The following STAM2 variants were observed in gnomAD, a reference collection of about 807,000 sequenced individuals.
The protein encoded by STAM2 is signal transducing adaptor molecule 2.
A neutral mutation model predicts 65.6 loss-of-function variants in STAM2; 51 were observed. The observed-to-expected ratio is 0.78, with a 90% CI of 0.62 to 0.98. The LOEUF (loss-of-function observed/expected upper bound fraction) is 0.98, where lower values mean the gene tolerates loss of function less well. STAM2 is among the 50% of genes least tolerant of loss of function. The pLI is 0.00. For synonymous variants in STAM2, 198 were observed against 208.4 expected, an observed-to-expected ratio of 0.95 and a Z score of 0.43; for missense variants, 584 against 617.8, an observed-to-expected ratio of 0.95 and a Z score of 0.58.
At chr2:152,128,396 G>C (rs955365563) in intron 11 of STAM2, among the ~76,000 whole-genome samples, 6 of 151,590 alleles carry the variant, frequency 4.0e-5, no homozygotes, top group South Asian at 4.2e-4. Context: ...CTGGGCAACA[G>C]AGCGAGACTC....
intron 1 of STAM2, among the ~76,000 whole-genome samples, chr2:152,172,795 C>T (rs1180671454): frequency 5.3e-5 from 8 of 149,940 alleles, no homozygotes; most frequent in African/African-American, 1.5e-4. Context: ...CACTTGAACC[C>T]GGGAGGCGGG....
chr2:152,128,698 G>A (rs777036408), intron 11 of STAM2, among the ~76,000 whole-genome samples: 5 of 152,118 alleles, frequency 3.3e-5, no homozygotes, highest in Admixed American at 6.5e-5. Flanking sequence ...AGAATAGTCT[G>A]GAACATAGTT....
At chr2:152,121,618 C>T (rs964780971) in intron 13 of STAM2, among the ~76,000 whole-genome samples, 2 of 152,180 alleles carry the variant, frequency 1.3e-5, no homozygotes, top group Non-Finnish European at 2.9e-5. Flanking sequence ...GTATAGGGCC[C>T]AAAATCAACC....
intron 5 of STAM2, among the ~76,000 whole-genome samples, chr2:152,145,661 T>A (rs1689325514): frequency 6.6e-6 from 1 of 152,184 alleles, no homozygotes; most frequent in African/African-American, 2.4e-5. Flanking sequence ...GTCATGATCA[T>A]CACTGAAGAG....
chr2:152,141,831 C>T (rs183584825), intron 7 of STAM2, among the ~76,000 whole-genome samples: 73 of 151,990 alleles, frequency 4.8e-4, no homozygotes, highest in African/African-American at 1.6e-3. Context: ...CCTCGTGATC[C>T]GCCCGCCTCA....
intron 1 of STAM2, among the ~76,000 whole-genome samples, chr2:152,157,994 T>C (rs949271906): frequency 1.3e-5 from 2 of 152,082 alleles, no homozygotes; most frequent in Non-Finnish European, 2.9e-5. Context: ...AGCAAACAAG[T>C]GTCCCAAAAT....
In STAM2 at chr2:152,126,233, G is replaced by A. The variant is rs780398300; in HGVS notation, c.1172C>T (p.Pro391Leu). The part of the protein sequence containing the change: ...AHYPPASSGV[P>L]MQTYPVQSHG... ...CTCAAAAAACATGCTCACCTGCATT[G>A]GAACCCCAGATGATGCAGGTGGGTA... Residue 391 changes from proline (P) to leucine (L), a missense_variant, in exon 12 of 14, where the codon CCA becomes CTA. Coordinates refer to ENST00000263904, the MANE Select transcript of STAM2 (RefSeq NM_005843.6). The A allele has an allele frequency of 1.3e-5, 20 of 1,586,068 alleles. 2 individuals are homozygous for A. The South Asian group carries it at 2.3e-4, about 19-fold the overall frequency.
chr2:152,136,892 CTTTTTTTTTT>C (rs746931542), intron 7 of STAM2, among the ~76,000 whole-genome samples: 1 of 130,114 alleles, frequency 7.7e-6, no homozygotes, highest in African/African-American at 2.9e-5. Context: ...AAACATTTTT[CTTTTTTTTTT>C]TTTTTTTTTT....
At chr2:152,124,659 A>G (rs1347650534) in intron 12 of STAM2, 2 of 152,246 alleles carry the variant, frequency 1.3e-5, no homozygotes, top group African/African-American at 4.8e-5. Flanking sequence ...ATCATACCAT[A>G]ATGATCATCA....
At chr2:152,161,543 G>A (rs950687727) in intron 1 of STAM2, among the ~76,000 whole-genome samples, 7 of 144,176 alleles carry the variant, frequency 4.9e-5, no homozygotes, top group Non-Finnish European at 1.1e-4. Flanking sequence ...TAGGTTTCTA[G>A]ACTACACAAT....
chr2:152,175,254 G>A (rs1021334568), intron 1 of STAM2, among the ~76,000 whole-genome samples: 2 of 152,308 alleles, frequency 1.3e-5, no homozygotes, highest in East Asian at 1.9e-4. Context: ...AAAGACGGAG[G>A]TAACCAGCTG....
rs114704532 is a variant in STAM2 at position 152,123,641 on chromosome 2, T to C, written c.1349+125A>G. 1,736 of 973,164 alleles carry C rather than the reference T, an allele frequency of 1.8e-3. 12 individuals carry two copies. Among genetic ancestry groups the C allele is most frequent in the Non-Finnish European group, 1.3e-3 (846 of 659,888 alleles). The allele number at this position is 973,164 out of a possible 1,614,324, so 60.3% of individuals were successfully genotyped here. ...GGGTAGCAAAGCTAAGGTAACACCA[T>C]TCCACTTCACAGGATTATGAATAAA... On this transcript the variant is annotated intron_variant, in intron 13 of 13. Transcript: ENST00000263904.
intron 7 of STAM2, among the ~76,000 whole-genome samples, chr2:152,139,230 AAAG>A (rs1165239068): frequency 2.0e-5 from 3 of 152,366 alleles, no homozygotes; most frequent in South Asian, 2.1e-4. Context: ...TATATTAAAA[AAAG>A]AATAAATCAC....
intron 7 of STAM2, among the ~76,000 whole-genome samples, chr2:152,141,465 C>T (rs1441903123): frequency 3.4e-5 from 5 of 147,292 alleles, no homozygotes; most frequent in South Asian, 2.2e-4. Flanking sequence ...ACACAGGGGG[C>T]GGGGGTTGCA....
intron 1 of STAM2, among the ~76,000 whole-genome samples, chr2:152,174,813 C>G (rs939913012): frequency 6.6e-6 from 1 of 152,158 alleles, no homozygotes; most frequent in Non-Finnish European, 1.5e-5. Flanking sequence ...CCCAGACTTT[C>G]GAGAATACAT....
In STAM2 at chr2:152,120,787, A is replaced by G; in HGVS notation, c.1365T>C (p.Thr455=). The G allele has an allele frequency of 1.2e-6, 2 of 1,614,154 alleles. No individual in the cohort carries two copies. The highest frequency in any genetic ancestry group is 1.7e-6 in the Non-Finnish European group (2 of 1,179,996). Residue 455 remains threonine (T), a synonymous_variant, in exon 14 of 14, where the codon ACT becomes ACC. Coordinates refer to ENST00000263904, the MANE Select transcript of STAM2 (RefSeq NM_005843.6). ...GGTTCATATAAGTAGGATTGGAAACAGTGTCTTGTCCAGTGCTACAAACAA... is the reference window on the plus strand; with the variant it reads ...GGTTCATATAAGTAGGATTGGAAACGGTGTCTTGTCCAGTGCTACAAACAA... ...QTSYLSTGQD[T]VSNPTYMNQN...
chr2:152,173,406 A>AT (rs1389484826), intron 1 of STAM2, among the ~76,000 whole-genome samples: 25 of 145,232 alleles, frequency 1.7e-4, no homozygotes, highest in African/African-American at 4.6e-4. Context: ...ATATATATAT[A>AT]TTTTTTTTCG....
intron 13 of STAM2, among the ~76,000 whole-genome samples, chr2:152,122,750 G>A (rs1688880366): frequency 1.3e-5 from 2 of 152,056 alleles, no homozygotes; most frequent in Non-Finnish European, 2.9e-5. Context: ...AACTCTTAGA[G>A]TAAAAGTGTT....
Position 152,147,323 on chromosome 2 carries a change from G to A in STAM2, c.301-15C>T, listed in dbSNP as rs373507667. The stretch of plus-strand genomic sequence containing the variant: ...TTAGGATGTGCCTTTTAAGGAAAAG[G>A]AAAGGAAAATAAACAAAAATCTACG... On this transcript the variant is annotated splice_polypyrimidine_tract_variant and intron_variant, in intron 4 of 13. Transcript: ENST00000263904. 1.8e-5 allele frequency: 27 copies of A among 1,517,006 alleles called. No homozygotes were observed. In the African/African-American group the frequency reaches 3.8e-4, roughly 22 times the overall value. The allele number at this position is 1,517,006 out of a possible 1,614,324, so 94.0% of individuals were successfully genotyped here. A position where few individuals can be genotyped will look rare whatever the true frequency, so the allele number is the denominator to read the frequency against.
Sources: gnomAD v4.1 joint callset for allele counts (sites outside exome capture counted in the v4.1 genomes callset) on GRCh38, gnomAD v4.1.1 for gene constraint, MANE v1.5 for transcripts, NCBI Gene and HGNC (gene_info 2026-07-23, HGNC 2026-07-21) for gene names.